The following WDR70 variants were observed in gnomAD, a reference collection of about 807,000 sequenced individuals.
WDR70 encodes WD repeat-containing protein 70.
WDR70 carries 53 observed loss-of-function variants against 88.6 expected under a neutral mutation model. The ratio of observed to expected loss-of-function variants is 0.60; its 90% CI spans 0.48 to 0.75. WDR70 has a LOEUF of 0.75. Ranked by LOEUF, WDR70 falls within the 30% of genes least tolerant of loss-of-function variation. The pLI, the probability that WDR70 is intolerant of heterozygous loss-of-function variation, is 0.00. For missense variants in WDR70, 610 were observed against 823.2 expected (o/e 0.74, Z 3.17); for synonymous variants, 280 against 270.0 (o/e 1.04, Z -0.36).
intron 5 of WDR70, among the ~76,000 whole-genome samples, chr5:37,411,161 G>A (rs1209415564): frequency 2.7e-5 from 4 of 146,726 alleles, no homozygotes; most frequent in African/African-American, 9.7e-5. Context: ...AGGTCTTGCT[G>A]TGTTGCTCAG....
At chr5:37,505,905 C>T (rs1358252662) in intron 8 of WDR70, 9 of 1,363,838 alleles carry the variant, frequency 6.6e-6, no homozygotes, top group African/African-American at 2.9e-5. Flanking sequence ...TGTCATCTGA[C>T]TTCCTTCCAT....
intron 13 of WDR70, among the ~76,000 whole-genome samples, chr5:37,711,174 C>T (rs1196501341): frequency 6.6e-6 from 1 of 152,088 alleles, no homozygotes; most frequent in Non-Finnish European, 1.5e-5. Context: ...TGTCATTGCT[C>T]CTAGAATGAG....
intron 13 of WDR70, among the ~76,000 whole-genome samples, chr5:37,714,537 C>G (rs1747602875): frequency 6.6e-6 from 1 of 152,184 alleles, no homozygotes; most frequent in African/African-American, 2.4e-5. Context: ...GCCCCAGTGC[C>G]CCAGGCTCCT....
intron 17 of WDR70, among the ~76,000 whole-genome samples, chr5:37,735,241 A>G (rs1373480348): frequency 6.6e-6 from 1 of 152,146 alleles, no homozygotes; most frequent in Admixed American, 6.6e-5. Context: ...AATTAATTGC[A>G]GCTGAAAGTG....
chr5:37,512,950 A>G lies in WDR70; in HGVS notation c.841-3564A>G, dbSNP rs549612469. Among the ~76,000 whole-genome samples the G allele has an allele frequency of 2.6e-5, 4 of 152,244 alleles. No homozygotes were observed. The East Asian group carries it at 7.7e-4, about 29-fold the overall frequency. On this transcript the variant is annotated intron_variant, in intron 8 of 17. Coordinates refer to ENST00000265107, the MANE Select transcript of WDR70 (RefSeq NM_018034.4). Reference sequence around the variant, plus strand: ...AAGGTCATGTTTACATGTTCTTGGGATTAGAATATGGACATATCTTTTTGG... The same window carrying G: ...AAGGTCATGTTTACATGTTCTTGGGGTTAGAATATGGACATATCTTTTTGG...
intron 8 of WDR70, among the ~76,000 whole-genome samples, chr5:37,495,446 C>T (rs965154419): frequency 1.3e-5 from 2 of 151,592 alleles, no homozygotes; most frequent in African/African-American, 4.9e-5. Context: ...TCAGCAATCT[C>T]TCTCTCTCTC....
At chr5:37,435,033 G>A (rs1750426491) in intron 5 of WDR70, among the ~76,000 whole-genome samples, 1 of 152,108 alleles carries the variant, frequency 6.6e-6, no homozygotes, top group Non-Finnish European at 1.5e-5. Flanking sequence ...CCAATTATAT[G>A]GGATTTTTAT....
intron 9 of WDR70, among the ~76,000 whole-genome samples, chr5:37,568,350 T>A (rs971048524): frequency 1.3e-4 from 20 of 152,188 alleles, no homozygotes; most frequent in African/African-American, 4.6e-4. Flanking sequence ...AAAATACATA[T>A]TTAAAAGATC....
intron 17 of WDR70, among the ~76,000 whole-genome samples, chr5:37,740,268 C>G (rs1748434639): frequency 6.6e-6 from 1 of 152,156 alleles, no homozygotes. Context: ...CTAGATAGCT[C>G]TGAATTGAGT....
chr5:37,393,551 T>C (rs1748913984), intron 4 of WDR70, among the ~76,000 whole-genome samples: 1 of 152,192 alleles, frequency 6.6e-6, no homozygotes. Context: ...GGTTCTGATA[T>C]GTTTTGTTTC....
At chr5:37,560,108 A>G (rs533520760) in intron 9 of WDR70, among the ~76,000 whole-genome samples, 1 of 151,942 alleles carries the variant, frequency 6.6e-6, no homozygotes, top group Admixed American at 6.5e-5. Flanking sequence ...CAAACTAGTG[A>G]GAGAGTACTT....
intron 9 of WDR70, among the ~76,000 whole-genome samples, chr5:37,542,283 T>C (rs4869528): frequency 0.4 from 57,990 of 145,320 alleles, 13,293 homozygotes; most frequent in Non-Finnish European, 0.53. Context: ...TCTTCTTCTT[T>C]TTTTTTTTTT....
intron 9 of WDR70, among the ~76,000 whole-genome samples, chr5:37,587,560 G>T (rs887120688): frequency 6.6e-6 from 1 of 151,786 alleles, no homozygotes; most frequent in Non-Finnish European, 1.5e-5. Context: ...CTTTTTCTGG[G>T]TGACTGCCTC....
intron 7 of WDR70, among the ~76,000 whole-genome samples, chr5:37,473,535 G>C (rs111321671): frequency 0.1 from 15,850 of 151,932 alleles, 970 homozygotes; most frequent in South Asian, 0.2. Context: ...GTAGAAACAG[G>C]GTTTCACCAT....
intron 5 of WDR70, among the ~76,000 whole-genome samples, chr5:37,413,178 T>C (rs947279123): frequency 6.6e-6 from 1 of 152,116 alleles, no homozygotes; most frequent in Non-Finnish European, 1.5e-5. Context: ...GTTTCGAAAC[T>C]GCTAATGTGT....
At chr5:37,562,845 C>G (rs892555770) in intron 9 of WDR70, among the ~76,000 whole-genome samples, 2 of 151,932 alleles carry the variant, frequency 1.3e-5, no homozygotes, top group African/African-American at 4.8e-5. Context: ...CCATGTCTAC[C>G]TCTTTCTACA....
chr5:37,694,155 C>T (rs1185437953), intron 10 of WDR70, among the ~76,000 whole-genome samples: 1 of 152,220 alleles, frequency 6.6e-6, no homozygotes, highest in Non-Finnish European at 1.5e-5. Flanking sequence ...GAGATACCAT[C>T]TCACACCAGT....
chr5:37,562,702 A>G (rs1359666288), intron 9 of WDR70, among the ~76,000 whole-genome samples: 9 of 152,156 alleles, frequency 5.9e-5, no homozygotes, highest in South Asian at 2.1e-4. Context: ...ATCTTGCACC[A>G]CCCTTAATCC....
At chr5:37,481,476 G>A (rs1739667582) in intron 8 of WDR70, among the ~76,000 whole-genome samples, 2 of 152,118 alleles carry the variant, frequency 1.3e-5, no homozygotes, top group African/African-American at 4.8e-5. Flanking sequence ...TGAAAGGTTT[G>A]GGACTTGCAC....
Sources: allele counts gnomAD v4.1 joint callset (sites outside exome capture counted in the v4.1 genomes callset), GRCh38; gene constraint gnomAD v4.1.1; transcripts MANE v1.5; gene names NCBI Gene and HGNC (gene_info 2026-07-23, HGNC 2026-07-21).